Variants in STK33 observed in about 807,000 individuals in gnomAD.
STK33 encodes the protein serine/threonine kinase 33.
A neutral mutation model predicts 58.0 loss-of-function variants in STK33; 52 were observed. The ratio of observed to expected loss-of-function variants is 0.90; its 90% CI spans 0.72 to 1.13. STK33 has a LOEUF of 1.13. Among genes scored for constraint, STK33 ranks in the 50% most tolerant of loss-of-function variants. The pLI is 0.00. For synonymous variants in STK33, 215 were observed against 200.1 expected (o/e 1.07, Z -0.63); for missense variants, 630 against 604.2 (o/e 1.04, Z -0.45).
the STK33 span, among the ~76,000 whole-genome samples, chr11:8,372,307 C>A: frequency 6.6e-6 from 1 of 152,168 alleles, no homozygotes; most frequent in Non-Finnish European, 1.5e-5. Context: ...CAAGGTCTCA[C>A]TCTGCAAAGC....
chr11:8,370,490 C>T, the STK33 span, among the ~76,000 whole-genome samples: 1 of 152,158 alleles, frequency 6.6e-6, no homozygotes, highest in East Asian at 1.9e-4. Flanking sequence ...ATCCACCCTG[C>T]CAGGCCCCAA....
rs763156371 is a variant in STK33, at chr11:8,421,422, C to T, written c.1147-7730G>A. Among the ~76,000 whole-genome samples the T allele has an allele frequency of 1.7e-4, 26 of 152,260 alleles. 1 individual carries two copies. The South Asian group carries it at 2.9e-3, about 17-fold the overall frequency. On this transcript the variant is annotated intron_variant, in intron 14 of 15. Transcript: ENST00000687296. Reference sequence around the variant, plus strand: ...CCTTTCTCCCCTCTCATCTTCCATACGACGACTGTCAGAAAAAGTTCCAGA... The same window carrying T: ...CCTTTCTCCCCTCTCATCTTCCATATGACGACTGTCAGAAAAAGTTCCAGA...
At chr11:8,399,031 C>T (rs7942618) in intron 15 of STK33, among the ~76,000 whole-genome samples, 1 of 151,928 alleles carries the variant, frequency 6.6e-6, no homozygotes, top group Non-Finnish European at 1.5e-5. Flanking sequence ...GACTTTAACA[C>T]CCCACTGTCA....
At chr11:8,345,088 A>C in the STK33 span, among the ~76,000 whole-genome samples, 8 of 151,754 alleles carry the variant, frequency 5.3e-5, no homozygotes, top group African/African-American at 1.7e-4. Context: ...CCACTTCCCC[A>C]CTCGCACCTT....
chr11:8,418,040 T>G (rs1261322437), intron 14 of STK33, among the ~76,000 whole-genome samples: 1 of 152,210 alleles, frequency 6.6e-6, no homozygotes, highest in African/African-American at 2.4e-5. Context: ...TCACAGGGAC[T>G]ATTTACAAAA....
rs1179902585 is a variant in STK33, at chr11:8,508,062, T to G, written c.-465-27448A>C. On this transcript the variant is annotated intron_variant, in intron 1 of 15. Coordinates refer to ENST00000687296, the MANE Select transcript of STK33 (RefSeq NM_001352389.2). ...CCCTCCATCATGCCCAGCTAATTTT[T>G]GTATTTTTAGTAGAGACGGGTTTTC... Among the ~76,000 whole-genome samples the G allele has an allele frequency of 4.6e-5, 7 of 152,054 alleles. No homozygotes were observed. The East Asian group carries it at 1.4e-3, about 29-fold the overall frequency.
the STK33 span, among the ~76,000 whole-genome samples, chr11:8,360,592 A>T: frequency 6.6e-6 from 1 of 152,242 alleles, no homozygotes; most frequent in Non-Finnish European, 1.5e-5. Flanking sequence ...GGCAGAAATC[A>T]AGGTGTCAGC....
At chr11:8,361,020 G>A in the STK33 span, among the ~76,000 whole-genome samples, 1 of 152,196 alleles carries the variant, frequency 6.6e-6, no homozygotes, top group African/African-American at 2.4e-5. The surrounding 1 kb of genome is among the most constrained non-coding windows in gnomAD (Gnocchi z 4.8). Flanking sequence ...AGGAATCTTG[G>A]GGGGTCACCT....
intron 1 of STK33, among the ~76,000 whole-genome samples, chr11:8,587,402 G>A (rs931342620): frequency 4.6e-5 from 7 of 152,106 alleles, no homozygotes; most frequent in African/African-American, 1.7e-4. Context: ...AGAAATGCAG[G>A]ACCAAAATTT....
intron 1 of STK33, among the ~76,000 whole-genome samples, chr11:8,507,389 C>T (rs1565219450): frequency 6.6e-6 from 1 of 152,264 alleles, no homozygotes; most frequent in East Asian, 1.9e-4. Context: ...CTTCTAGAGG[C>T]TTATGATGAG....
chr11:8,553,770 C>T (rs1956534870), intron 1 of STK33, among the ~76,000 whole-genome samples: 1 of 152,080 alleles, frequency 6.6e-6, no homozygotes, highest in Non-Finnish European at 1.5e-5. Context: ...AATGAAACTG[C>T]ATCTTTATCT....
At chr11:8,384,063 T>A in the STK33 span, among the ~76,000 whole-genome samples, 1 of 152,186 alleles carries the variant, frequency 6.6e-6, no homozygotes, top group Non-Finnish European at 1.5e-5. Flanking sequence ...GTTACCCAGG[T>A]GCCGAGGCAA....
chr11:8,390,162 TC>T (rs1564828928), downstream of STK33, among the ~76,000 whole-genome samples: 1 of 152,190 alleles, frequency 6.6e-6, no homozygotes, highest in East Asian at 1.9e-4. Context: ...AATGAATTTG[TC>T]CCCAGCTTGC....
intron 15 of STK33, among the ~76,000 whole-genome samples, chr11:8,400,620 G>C (rs1016143340): frequency 6.6e-6 from 1 of 150,958 alleles, no homozygotes; most frequent in African/African-American, 2.4e-5. Flanking sequence ...TTCTGGCCAG[G>C]GCAATCAGGC....
intron 11 of STK33, among the ~76,000 whole-genome samples, 196 bp downstream of exon 11, chr11:8,452,625 CA>C (rs978266579): frequency 6.6e-6 from 1 of 150,512 alleles, no homozygotes; most frequent in Non-Finnish European, 1.5e-5. Flanking sequence ...CTCTTAAAAA[CA>C]AAAAAAAATT....
intron 15 of STK33, among the ~76,000 whole-genome samples, chr11:8,411,982 G>A (rs1166377719): frequency 6.6e-6 from 1 of 152,120 alleles, no homozygotes; most frequent in Non-Finnish European, 1.5e-5. Context: ...AGTGGGAGGG[G>A]AAAAGTGTGA....
intron 1 of STK33, among the ~76,000 whole-genome samples, chr11:8,547,346 C>T (rs928543264): frequency 1.8e-4 from 27 of 152,138 alleles, no homozygotes; most frequent in African/African-American, 5.8e-4. Context: ...TCCCTAGTAG[C>T]TGGGATTACA....
chr11:8,427,968 C>T (rs541003057), intron 14 of STK33, among the ~76,000 whole-genome samples: 8 of 152,326 alleles, frequency 5.3e-5, no homozygotes, highest in African/African-American at 1.9e-4. Flanking sequence ...GAAGACAAGG[C>T]ATGGATCTAG....
intron 10 of STK33, 86 bp from the exon 11 acceptor site, chr11:8,452,992 C>T: frequency 2.4e-6 from 3 of 1,229,104 alleles, no homozygotes; most frequent in Non-Finnish European, 3.6e-6. Flanking sequence ...ATTGAATTTG[C>T]ATTGAATTCT....
Sources: gnomAD v4.1 joint callset for allele counts (sites outside exome capture counted in the v4.1 genomes callset) on GRCh38, gnomAD v4.1.1 for gene constraint, Gnocchi (gnomAD v3.1) non-coding constraint, MANE v1.5 for transcripts, NCBI Gene and HGNC (gene_info 2026-07-23, HGNC 2026-07-21) for gene names.